GRHL1: variants seen among roughly 807,000 people sequenced by gnomAD.
GRHL1 encodes grainyhead-like protein 1 homolog.
Under a neutral mutation model 75.7 loss-of-function variants are expected in GRHL1, and 38 were observed. The observed-to-expected ratio is 0.50, with a 90% confidence interval of 0.39 to 0.66. The LOEUF (loss-of-function observed/expected upper bound fraction) is 0.66, where lower values mean the gene tolerates loss of function less well. Among genes scored for constraint, GRHL1 ranks in the 30% least tolerant of loss-of-function variants. GRHL1 has a pLI of 0.00. For missense variants in GRHL1, 589 were observed against 767.5 expected, an observed-to-expected ratio of 0.77 and a Z score of 2.75; for synonymous variants, 266 against 279.4, an observed-to-expected ratio of 0.95 and a Z score of 0.48.
chr2:9,956,688 G>A (rs746955880), intron 2 of GRHL1, among the ~76,000 whole-genome samples: 1 of 152,212 alleles, frequency 6.6e-6, no homozygotes, highest in Non-Finnish European at 1.5e-5. Context: ...ACATAGCCAT[G>A]AAGAGTTCCT....
chr2:9,961,912 T>G (rs1667296145), intron 4 of GRHL1, among the ~76,000 whole-genome samples: 1 of 152,136 alleles, frequency 6.6e-6, no homozygotes, highest in Non-Finnish European at 1.5e-5. Flanking sequence ...TTCTGGGGGT[T>G]TTATGGTGAT....
At chr2:9,977,276 AG>A (rs1444570497) in intron 8 of GRHL1, among the ~76,000 whole-genome samples, 1 of 151,122 alleles carries the variant, frequency 6.6e-6, no homozygotes, top group Non-Finnish European at 1.5e-5. Flanking sequence ...TCTCATTACT[AG>A]TATTTAATTC....
chr2:9,954,367 C>T (rs535837463), intron 1 of GRHL1, among the ~76,000 whole-genome samples: 1 of 152,292 alleles, frequency 6.6e-6, no homozygotes, highest in East Asian at 1.9e-4. Context: ...AATATTCTGG[C>T]TTTCTCATAT....
chr2:9,963,523 G>A (rs893359128), intron 5 of GRHL1, among the ~76,000 whole-genome samples: 1 of 152,172 alleles, frequency 6.6e-6, no homozygotes, highest in Non-Finnish European at 1.5e-5. Context: ...TGCTATATAG[G>A]CCAAAAGGAA....
chr2:9,983,984 G>C (rs1331913461), intron 8 of GRHL1, among the ~76,000 whole-genome samples: 1 of 151,970 alleles, frequency 6.6e-6, no homozygotes, highest in East Asian at 1.9e-4. Context: ...GTGAAACCCT[G>C]TCTCTACTAA....
At chr2:9,972,227 C>G (rs1255330000) in intron 8 of GRHL1, among the ~76,000 whole-genome samples, 1 of 151,082 alleles carries the variant, frequency 6.6e-6, no homozygotes, top group Non-Finnish European at 1.5e-5. Flanking sequence ...TTTCCCCTTC[C>G]TCCACCCTGT....
intron 8 of GRHL1, among the ~76,000 whole-genome samples, chr2:9,971,090 A>G (rs11883961): frequency 0.21 from 31,487 of 151,908 alleles, 3,439 homozygotes; most frequent in African/African-American, 0.27. Context: ...TGTGGGATGC[A>G]GGTTTATGAG....
chr2:9,956,360 A>T (rs1667022634), intron 2 of GRHL1, among the ~76,000 whole-genome samples: 1 of 152,090 alleles, frequency 6.6e-6, no homozygotes, highest in Non-Finnish European at 1.5e-5. Context: ...ATAAATAAAT[A>T]AAAAAATACA....
rs376418927 is a variant in GRHL1 at position 9,998,501 on chromosome 2, C to CGTATATATATATACATATATACGT, written c.1678-464_1678-463insGTATATATATATACATATATACGT. 4.4e-4 allele frequency among the ~76,000 whole-genome samples: 3 copies of CGTATATATATATACATATATACGT among 6,892 alleles called. 1 individual carries two copies. The highest frequency in any genetic ancestry group is 2.1e-3 in the African/African-American group (3 of 1,460). 4.5% of individuals were successfully genotyped at this position (6,892 alleles called of 152,430 possible). ...ATATACATATATATACGTATATATACATATATATACGTATATATATACATA... is the reference window on the plus strand; with the variant it reads ...ATATACATATATATACGTATATATACGTATATATATATACATATATACGTATATATATACGTATATATATACATA... On this transcript the variant is annotated intron_variant, in intron 14 of 15. Coordinates refer to ENST00000324907, the MANE Select transcript of GRHL1 (RefSeq NM_198182.3).
intron 15 of GRHL1, among the ~76,000 whole-genome samples, 179 bp from the exon 16 acceptor site, chr2:10,000,414 A>G (rs1443430974): frequency 1.3e-5 from 2 of 152,240 alleles, no homozygotes; most frequent in South Asian, 2.1e-4. Context: ...CAGCAATCCT[A>G]TAAGATGGGT....
At position 9,998,512 on chromosome 2, in the gene GRHL1, GTATATATATACA is replaced by G; in HGVS notation, c.1678-444_1678-433del. On this transcript the variant is annotated intron_variant, in intron 14 of 15. Transcript: ENST00000324907. ...TATACGTATATATACATATATATACGTATATATATACATATATATACGTATATATACATATGT... is the reference window on the plus strand; with the variant it reads ...TATACGTATATATACATATATATACGTATATATACGTATATATACATATGT... Among the ~76,000 whole-genome samples, 15 of 9,018 alleles carry G rather than the reference GTATATATATACA, an allele frequency of 1.7e-3. 7 individuals are homozygous for G. Among genetic ancestry groups the G allele is most frequent in the African/African-American group, 0.01 (15 of 1,458 alleles). The allele number at this position is 9,018 out of a possible 152,430, so 5.9% of individuals were successfully genotyped here.
At chr2:9,993,266 GT>G (rs1349277701) in intron 12 of GRHL1, 22 bp downstream of exon 12, 1 of 1,597,334 alleles carries the variant, frequency 6.3e-7, no homozygotes, top group African/African-American at 1.3e-5. Context: ...GTTTTGTTTT[GT>G]TTTGTTTTAA....
chr2:9,999,780 C>A (rs1390054526), intron 15 of GRHL1, among the ~76,000 whole-genome samples: 1 of 152,198 alleles, frequency 6.6e-6, no homozygotes, highest in East Asian at 1.9e-4. Context: ...AAAACAAATT[C>A]TAATGGGAAA....
intron 8 of GRHL1, among the ~76,000 whole-genome samples, chr2:9,969,965 C>G (rs1268055864): frequency 6.6e-6 from 1 of 151,996 alleles, no homozygotes; most frequent in East Asian, 1.9e-4. Flanking sequence ...GTCTCAGCCT[C>G]CCGAGTAGCT....
At chr2:9,991,498 G>A (rs1668640759) in intron 10 of GRHL1, among the ~76,000 whole-genome samples, 1 of 151,442 alleles carries the variant, frequency 6.6e-6, no homozygotes. Flanking sequence ...TTCAGGGCCA[G>A]CCAGATCATT....
intron 3 of GRHL1, chr2:9,960,540 CTG>C (rs1667229227): frequency 6.6e-6 from 1 of 152,524 alleles, no homozygotes; most frequent in Admixed American, 6.5e-5. Flanking sequence ...TTCTTGAAGA[CTG>C]TGTGTCAGGC....
intron 6 of GRHL1, 21 bp from the exon 7 acceptor site, chr2:9,964,214 G>T (rs182044372): frequency 1.4e-6 from 2 of 1,454,662 alleles, no homozygotes. Flanking sequence ...TCTTTATGTT[G>T]TAATGCATTC....
intron 8 of GRHL1, among the ~76,000 whole-genome samples, chr2:9,973,962 A>G (rs1336362178): frequency 6.6e-6 from 1 of 152,236 alleles, no homozygotes; most frequent in Non-Finnish European, 1.5e-5. Context: ...TTCGAAATGT[A>G]GAGACCTTTA....
rs1489652371 is a variant in GRHL1 at position 9,958,843 on chromosome 2, G to T, written c.265G>T (p.Asp89Tyr). 6.2e-7 allele frequency: 1 copy of T among 1,613,728 alleles called. No individual in the cohort carries two copies. Residue 89 changes from aspartate to tyrosine, a missense_variant, in exon 3 of 16, where the codon GAT becomes TAT. Coordinates refer to ENST00000324907, the MANE Select transcript of GRHL1 (RefSeq NM_198182.3). The part of the protein sequence containing the change: ...AKPEVEHPEP[D>Y]HSKRNSIPIV... ...GCCAGAGGTGGAGCACCCTGAGCCA[G>T]ATCACAGCAAAAGGTAACATTCAGT...
Sources: allele counts gnomAD v4.1 joint callset (sites outside exome capture counted in the v4.1 genomes callset), GRCh38; gene constraint gnomAD v4.1.1; transcripts MANE v1.5; gene names NCBI Gene and HGNC (gene_info 2026-07-23, HGNC 2026-07-21).